Variants in RICTOR observed in about 807,000 individuals in gnomAD.
RICTOR encodes rapamycin-insensitive companion of mTOR.
A neutral mutation model predicts 214.9 loss-of-function variants in RICTOR; 49 were observed. That is an observed-to-expected ratio of 0.23 (90% CI 0.18 to 0.29). The LOEUF is 0.29. RICTOR is among the 10% of genes least tolerant of loss of function. The probability of loss-of-function intolerance (pLI) is 1.00; values close to 1 mark genes in which losing one functional copy is unlikely to be tolerated. For missense variants in RICTOR, 1,625 were observed against 2,047.0 expected (o/e 0.79, Z 3.98); for synonymous variants, 717 against 711.3 (o/e 1.01, Z -0.13).
chr5:39,053,717 C>T (rs1757999016), intron 2 of RICTOR, among the ~76,000 whole-genome samples: 1 of 151,320 alleles, frequency 6.6e-6, no homozygotes, highest in South Asian at 2.1e-4. Context: ...ACGGTGAAAC[C>T]CCGTCTCTAC....
At chr5:38,980,979 G>T (rs1751673505) in intron 8 of RICTOR, 1 of 152,092 alleles carries the variant, frequency 6.6e-6, no homozygotes, top group Non-Finnish European at 1.5e-5. Flanking sequence ...TATCAACAGT[G>T]CCAGTTTATT....
chr5:39,004,243 C>A (rs1017359032), intron 3 of RICTOR, among the ~76,000 whole-genome samples: 1 of 151,988 alleles, frequency 6.6e-6, no homozygotes, highest in Non-Finnish European at 1.5e-5. Context: ...TAATTTTAGA[C>A]CAGGTTGCTG....
At chr5:39,020,381 C>T (rs1323631047) in intron 3 of RICTOR, among the ~76,000 whole-genome samples, 7 of 152,110 alleles carry the variant, frequency 4.6e-5, no homozygotes, top group Non-Finnish European at 8.8e-5. Flanking sequence ...TTAAAGAAAT[C>T]GCTACAGTCA....
rs1317756109 is a variant in RICTOR, at chr5:38,952,215, T to G, written c.3108A>C (p.Glu1036Asp). ...SESTSSRHNS[E>D]SESVPSSMFI... ...ACTCACTCGATGGCACAGATTCACT[T>G]TCACTATTATGTCTAGAGCTGGTTG... Residue 1036 changes from glutamate to aspartate, a missense_variant, in exon 30 of 38, where the codon GAA becomes GAC. Glu to Asp is a conservative substitution (Grantham distance 45). Coordinates refer to ENST00000357387, the MANE Select transcript of RICTOR (RefSeq NM_152756.5). The G allele has an allele frequency of 2.5e-6, 4 of 1,607,760 alleles. No individual in the cohort carries two copies. The highest frequency in any genetic ancestry group is 1.7e-6 in the Non-Finnish European group (2 of 1,174,806).
chr5:38,977,133 T>C (rs1751304548), intron 9 of RICTOR, among the ~76,000 whole-genome samples: 1 of 152,170 alleles, frequency 6.6e-6, no homozygotes, highest in Non-Finnish European at 1.5e-5. Flanking sequence ...TGCTGAGGAA[T>C]GTGGGAGGCC....
At chr5:38,951,096 T>A (rs1475385549) in intron 30 of RICTOR, among the ~76,000 whole-genome samples, 1 of 151,922 alleles carries the variant, frequency 6.6e-6, no homozygotes, top group East Asian at 1.9e-4. Flanking sequence ...TGGTTCTTCT[T>A]TAAATTACTA....
At chr5:38,947,924 C>T (rs1489421938) in intron 31 of RICTOR, among the ~76,000 whole-genome samples, 2 of 152,064 alleles carry the variant, frequency 1.3e-5, no homozygotes, top group African/African-American at 4.8e-5. Flanking sequence ...TCATTATCAA[C>T]ATAAGATTTA....
intron 10 of RICTOR, among the ~76,000 whole-genome samples, chr5:38,974,389 TA>T (rs200413582): frequency 1.3e-5 from 2 of 150,516 alleles, no homozygotes; most frequent in African/African-American, 4.9e-5. Context: ...TGAAACACAG[TA>T]AAAAAAAATG....
chr5:39,030,512 T>C (rs979864765), intron 2 of RICTOR, among the ~76,000 whole-genome samples: 7 of 152,136 alleles, frequency 4.6e-5, no homozygotes, highest in African/African-American at 1.7e-4. Flanking sequence ...GTAGTTTGGA[T>C]GAGATGTCAT....
chr5:39,014,369 C>G (rs1236572044), intron 3 of RICTOR, among the ~76,000 whole-genome samples: 1 of 152,042 alleles, frequency 6.6e-6, no homozygotes, highest in East Asian at 1.9e-4. Flanking sequence ...AGGATACTTT[C>G]TAGTGGTTAC....
chr5:39,068,274 C>G (rs1177153813), intron 2 of RICTOR, among the ~76,000 whole-genome samples: 4 of 152,182 alleles, frequency 2.6e-5, no homozygotes, highest in African/African-American at 9.7e-5. Context: ...AGCAAACATT[C>G]TTCTTTGACT....
At chr5:39,029,921 G>C (rs1256558660) in intron 2 of RICTOR, among the ~76,000 whole-genome samples, 1 of 152,090 alleles carries the variant, frequency 6.6e-6, no homozygotes, top group African/African-American at 2.4e-5. Flanking sequence ...AGCTGGCCCA[G>C]GCAAGTGTTT....
Position 38,952,410 on chromosome 5 carries a change from T to A in RICTOR, c.2913A>T (p.Val971=), listed in dbSNP as rs1748872482. The part of the protein sequence containing the change: ...VLSIRGTCVY[V]LGLIAKTKQG... Reference sequence around the variant, plus strand: ...GTTTGGTTTTAGCTATGAGCCCAAGTACATATACACAGGTCCTGTATATAA... The same window carrying A: ...GTTTGGTTTTAGCTATGAGCCCAAGAACATATACACAGGTCCTGTATATAA... The change falls in exon 30 of 38, where the codon GTA becomes GTT. Residue 971 remains valine, a synonymous_variant. Transcript: ENST00000357387. 6.2e-7 allele frequency: 1 copy of A among 1,608,190 alleles called. No individual in the cohort carries two copies. The highest frequency in any genetic ancestry group is 8.5e-7 in the Non-Finnish European group (1 of 1,175,052).
intron 5 of RICTOR, among the ~76,000 whole-genome samples, chr5:38,999,027 C>CAA (rs1186312478): frequency 4.3e-4 from 11 of 25,330 alleles, no homozygotes; most frequent in African/African-American, 9.3e-4. Flanking sequence ...AACAAACAGG[C>CAA]AAAAAAAAAA....
chr5:38,957,062 G>A (rs554049440), intron 25 of RICTOR, among the ~76,000 whole-genome samples: 2 of 152,030 alleles, frequency 1.3e-5, no homozygotes, highest in African/African-American at 2.4e-5. Flanking sequence ...AAGATGCTTC[G>A]ATGACTTATA....
rs1747583839 is a variant in RICTOR, at chr5:38,941,627, A to C, written c.*677T>G. 1 of 232,098 alleles carries C rather than the reference A, an allele frequency of 4.3e-6. No individual in the cohort carries two copies. The highest frequency in any genetic ancestry group is 8.5e-6 in the Non-Finnish European group (1 of 117,198). 14.4% of individuals were successfully genotyped at this position (232,098 alleles called of 1,614,324 possible). ...ACCTTAATTGGTTCATATATCCTGT[A>C]ATAACACATTGCAACAAAATGAAGA... On this transcript the variant is annotated 3_prime_UTR_variant, in exon 38 of 38. Coordinates refer to ENST00000357387, the MANE Select transcript of RICTOR (RefSeq NM_152756.5).
chr5:38,945,768 C>T (rs1748122243), intron 33 of RICTOR, 44 bp from the exon 34 acceptor site: 3 of 1,019,846 alleles, frequency 2.9e-6, no homozygotes, highest in Admixed American at 2.3e-5. Context: ...AAAGATAATA[C>T]TTTTCAAGGT....
At chr5:39,031,123 G>C (rs141954733) in intron 2 of RICTOR, among the ~76,000 whole-genome samples, 6 of 152,238 alleles carry the variant, frequency 3.9e-5, no homozygotes, top group Admixed American at 3.9e-4. Flanking sequence ...TTCTTGAAGG[G>C]CTGGAGGCTG....
intron 9 of RICTOR, among the ~76,000 whole-genome samples, chr5:38,976,462 G>A (rs1278569939): frequency 2.6e-5 from 4 of 151,972 alleles, no homozygotes; most frequent in Non-Finnish European, 4.4e-5. Context: ...GTCTACAAAA[G>A]TGGATTGAAA....
Sources: gnomAD v4.1 joint callset for allele counts (sites outside exome capture counted in the v4.1 genomes callset) on GRCh38, gnomAD v4.1.1 for gene constraint, MANE v1.5 for transcripts, NCBI Gene and HGNC (gene_info 2026-07-23, HGNC 2026-07-21) for gene names.